The following BEND4 variants were observed in gnomAD, a reference collection of about 807,000 sequenced individuals.
BEND4 encodes the protein BEN domain-containing protein 4.
A neutral mutation model predicts 54.7 loss-of-function variants in BEND4; 27 were observed. The ratio of observed to expected loss-of-function variants is 0.49; its 90% CI spans 0.36 to 0.68. The LOEUF is 0.68. BEND4 is among the 30% of genes least tolerant of loss of function. The pLI is 0.00. For missense variants in BEND4, 702 were observed against 697.2 expected (o/e 1.01, Z -0.08); for synonymous variants, 327 against 299.5 (o/e 1.09, Z -0.95).
intron 3 of BEND4, among the ~76,000 whole-genome samples, chr4:42,132,386 C>G (rs147967871): frequency 0.025 from 3,880 of 152,246 alleles, 77 homozygotes; most frequent in Non-Finnish European, 0.038. Context: ...CTGATGCCCC[C>G]AGAGGCCTTC....
chr4:42,129,369 C>A (rs907863011), intron 3 of BEND4, among the ~76,000 whole-genome samples: 6 of 152,050 alleles, frequency 3.9e-5, no homozygotes, highest in African/African-American at 1.4e-4. Context: ...TTTACAGATT[C>A]AATACTATTC....
intron 3 of BEND4, among the ~76,000 whole-genome samples, chr4:42,128,792 C>A (rs1436075713): frequency 6.6e-6 from 1 of 151,572 alleles, no homozygotes; most frequent in African/African-American, 2.4e-5. Flanking sequence ...AACAAACAGC[C>A]GGGCGTGGTG....
chr4:42,143,814 CTG>C lies in BEND4; in HGVS notation c.666_667del (p.His222GlnfsTer29). The stretch of plus-strand genomic sequence containing the variant: ...TATGTCTACATTGTCTGAGGTCTGA[CTG>C]TGGACCCCTTTCCCAATGTGACAGT... On this transcript the variant is annotated frameshift_variant, in exon 3 of 6. Transcript: ENST00000502486. LOFTEE classifies it high-confidence loss of function. 6.3e-7 allele frequency: 1 copy of C among 1,592,590 alleles called. No homozygotes were observed. Among genetic ancestry groups the C allele is most frequent in the Non-Finnish European group, 8.5e-7 (1 of 1,170,032 alleles).
At chr4:42,138,460 G>A (rs929262987) in intron 3 of BEND4, among the ~76,000 whole-genome samples, 1 of 152,162 alleles carries the variant, frequency 6.6e-6, no homozygotes, top group African/African-American at 2.4e-5. Flanking sequence ...TAGCTCAGAG[G>A]TTACGAAGTA....
chr4:42,149,513 A>G (rs1168953939), intron 2 of BEND4, among the ~76,000 whole-genome samples: 1 of 152,066 alleles, frequency 6.6e-6, no homozygotes, highest in Non-Finnish European at 1.5e-5. Context: ...TATCAAGCTT[A>G]CCCCTCTCTA....
intron 3 of BEND4, among the ~76,000 whole-genome samples, chr4:42,138,408 T>G (rs535959197): frequency 3.9e-5 from 6 of 152,048 alleles, no homozygotes; most frequent in Admixed American, 2.0e-4. Context: ...AACAAAATAG[T>G]AGCTACAAGG....
chr4:42,130,108 T>C (rs950148946), intron 3 of BEND4, among the ~76,000 whole-genome samples: 2 of 152,162 alleles, frequency 1.3e-5, no homozygotes, highest in South Asian at 2.1e-4. Flanking sequence ...CAGACACTTC[T>C]CAAAAGAAGA....
rs1719742738 is a variant in BEND4, at chr4:42,115,024, C to T, written c.*2494G>A. 6.6e-6 allele frequency: 1 copy of T among 152,300 alleles called. No individual in the cohort carries two copies. The highest frequency in any genetic ancestry group is 6.5e-5 in the Admixed American group (1 of 15,288). 9.4% of individuals were successfully genotyped at this position (152,300 alleles called of 1,614,324 possible). On this transcript the variant is annotated 3_prime_UTR_variant, in exon 6 of 6. Transcript: ENST00000502486. ...CACTCAGGAGCAAAAGTCGTAGGAA[C>T]ATTTCACTCAGGCAAAAGCTGTAGG...
chr4:42,130,362 C>T (rs1435830605), intron 3 of BEND4, among the ~76,000 whole-genome samples: 8 of 151,794 alleles, frequency 5.3e-5, no homozygotes, highest in Non-Finnish European at 1.2e-4. Flanking sequence ...CACCTATGGT[C>T]CCAGCTACTC....
intron 2 of BEND4, chr4:42,144,215 C>G (rs1720997733): frequency 1.7e-6 from 1 of 590,120 alleles, no homozygotes; most frequent in Non-Finnish European, 3.0e-6. Flanking sequence ...GTCTCTTGCT[C>G]TAGGAAACGG....
intron 5 of BEND4, among the ~76,000 whole-genome samples, chr4:42,118,793 T>C (rs1380664033): frequency 2.0e-5 from 3 of 152,180 alleles, no homozygotes; most frequent in Non-Finnish European, 2.9e-5. Flanking sequence ...AACTCCATCA[T>C]CTCTGATGAT....
chr4:42,125,736 T>A, intron 3 of BEND4, 62 bp from the exon 4 acceptor site: 1 of 1,130,368 alleles, frequency 8.8e-7, no homozygotes, highest in Non-Finnish European at 1.2e-6. Flanking sequence ...AATAAATAAA[T>A]TTTTTAAAGT....
intron 3 of BEND4, among the ~76,000 whole-genome samples, chr4:42,126,949 T>C (rs188483244): frequency 9.2e-5 from 14 of 152,386 alleles, no homozygotes; most frequent in Admixed American, 6.5e-4. Context: ...TTGTTTCCAC[T>C]GTATTTCTTA....
intron 4 of BEND4, among the ~76,000 whole-genome samples, chr4:42,121,183 C>T (rs1720044593): frequency 1.3e-5 from 2 of 152,150 alleles, no homozygotes; most frequent in Admixed American, 1.3e-4. Flanking sequence ...TTTTACAACT[C>T]GGCAAATTTA....
chr4:42,144,592 C>G (rs141967374), intron 2 of BEND4, among the ~76,000 whole-genome samples: 1 of 152,324 alleles, frequency 6.6e-6, no homozygotes, highest in African/African-American at 2.4e-5. Flanking sequence ...CTTCTAACAT[C>G]AGTGTTCACT....
At chr4:42,127,345 G>C (rs1720325572) in intron 3 of BEND4, among the ~76,000 whole-genome samples, 1 of 152,196 alleles carries the variant, frequency 6.6e-6, no homozygotes, top group Non-Finnish European at 1.5e-5. Context: ...AATTGACGAA[G>C]CACTTGCTGA....
At chr4:42,148,181 T>C (rs558821205) in intron 2 of BEND4, among the ~76,000 whole-genome samples, 29 of 152,218 alleles carry the variant, frequency 1.9e-4, no homozygotes, top group African/African-American at 7.0e-4. Context: ...GCATAGAAAA[T>C]AGAAGTTAGA....
In BEND4 at chr4:42,117,312, A is replaced by T; in HGVS notation, c.*206T>A. The T allele has an allele frequency of 2.1e-6, 1 of 480,302 alleles. No homozygotes were observed. Among genetic ancestry groups the T allele is most frequent in the Non-Finnish European group, 3.6e-6 (1 of 275,006 alleles). The allele number at this position is 480,302 out of a possible 1,614,324, so 29.8% of individuals were successfully genotyped here. On this transcript the variant is annotated 3_prime_UTR_variant, in exon 6 of 6. Transcript: ENST00000502486. Reference sequence around the variant, plus strand: ...AAATCAGATGTAGTTTTTTCTTTTTATAATATAATATTCCAAAAGTCTGTT... The same window carrying T: ...AAATCAGATGTAGTTTTTTCTTTTTTTAATATAATATTCCAAAAGTCTGTT...
chr4:42,135,137 A>G (rs899591561), intron 3 of BEND4, among the ~76,000 whole-genome samples: 25 of 152,292 alleles, frequency 1.6e-4, no homozygotes, highest in African/African-American at 6.0e-4. Context: ...CAACAGCTCC[A>G]GTTATGAGAT....
Sources: allele counts gnomAD v4.1 joint callset (sites outside exome capture counted in the v4.1 genomes callset), GRCh38; gene constraint gnomAD v4.1.1; transcripts MANE v1.5; gene names NCBI Gene and HGNC (gene_info 2026-07-23, HGNC 2026-07-21).